The following SMG7 variants were observed in gnomAD, a reference collection of about 807,000 sequenced individuals.
SMG7 encodes the protein SMG7 nonsense mediated mRNA decay factor.
In SMG7, 34 loss-of-function variants were observed where a neutral mutation model predicts 148.2. The ratio of observed to expected loss-of-function variants is 0.23; its 90% confidence interval spans 0.17 to 0.31. SMG7 has a LOEUF of 0.31. Among genes scored for constraint, SMG7 ranks in the 10% least tolerant of loss-of-function variants. SMG7 has a pLI of 1.00. For missense variants in SMG7, 1,114 were observed against 1,408.4 expected (o/e 0.79, Z 3.35); for synonymous variants, 492 against 515.1 (o/e 0.96, Z 0.61).
chr1:183,553,466 A>G lies in SMG7; in HGVS notation c.*1535A>G. ...AGGGGTTGTGTGTGCGAGTGTATGG[A>G]GTTAGTGTGGAACTTAAGAGCTGGA... On this transcript the variant is annotated 3_prime_UTR_variant, in exon 23 of 23. Coordinates refer to ENST00000688051, the MANE Select transcript of SMG7 (RefSeq NM_001375584.1). 1 of 413,322 alleles carries G rather than the reference A, an allele frequency of 2.4e-6. No homozygotes were observed. The highest frequency in any genetic ancestry group is 2.5e-5 in the South Asian group (1 of 39,342). The allele number at this position is 413,322 out of a possible 1,614,324, so 25.6% of individuals were successfully genotyped here. A position where few individuals can be genotyped will look rare whatever the true frequency, so the allele number is the denominator to read the frequency against.
Position 183,546,280 on chromosome 1 carries a change from A to G in SMG7, c.2685A>G (p.Lys895=). The change falls in exon 17 of 23, where the codon AAA becomes AAG. Residue 895 remains lysine (K), a synonymous_variant. Coordinates refer to ENST00000688051, the MANE Select transcript of SMG7 (RefSeq NM_001375584.1). Reference sequence around the variant, plus strand: ...AAGCAAACATAGACCGCAGGGGCAAACGGTCACCAGGAGTCTTCCGTCCAG... The same window carrying G: ...AAGCAAACATAGACCGCAGGGGCAAGCGGTCACCAGGAGTCTTCCGTCCAG... ...AQQANIDRRG[K]RSPGVFRPEQ... The G allele has an allele frequency of 1.9e-6, 3 of 1,614,032 alleles. No individual in the cohort carries two copies. Among genetic ancestry groups the G allele is most frequent in the Admixed American group, 1.7e-5 (1 of 60,000 alleles).
chr1:183,478,715 G>A (rs1214500496), intron 1 of SMG7, among the ~76,000 whole-genome samples: 2 of 152,076 alleles, frequency 1.3e-5, no homozygotes, highest in Non-Finnish European at 2.9e-5. Flanking sequence ...TTTTATACTT[G>A]AGAAAAATTG....
chr1:183,474,951 T>C (rs575487741), intron 1 of SMG7, among the ~76,000 whole-genome samples: 2 of 152,316 alleles, frequency 1.3e-5, no homozygotes, highest in African/African-American at 4.8e-5. Context: ...TTCAGTCCAG[T>C]TAGACAACAA....
In SMG7 at chr1:183,526,787, G is replaced by T. The variant is rs765334445; in HGVS notation, c.484+20G>T. 1.3e-6 allele frequency: 2 copies of T among 1,586,688 alleles called. No individual in the cohort carries two copies. The highest frequency in any genetic ancestry group is 3.6e-5 in the Admixed American group (2 of 55,078). ...ACATTGGTGAGCCTTTGCTGTGAAG[G>T]AATTGATAATATGTTCCTCCTTTTC... On this transcript the variant is annotated intron_variant, in intron 5 of 22. Coordinates refer to ENST00000688051, the MANE Select transcript of SMG7 (RefSeq NM_001375584.1).
At chr1:183,487,232 A>G (rs1321182732) in intron 1 of SMG7, among the ~76,000 whole-genome samples, 1 of 152,126 alleles carries the variant, frequency 6.6e-6, no homozygotes, top group East Asian at 1.9e-4. Context: ...TGCCTTTTCC[A>G]GCTTTTCAGA....
intron 2 of SMG7, chr1:183,513,177 T>C (rs1430902834): frequency 1.2e-5 from 3 of 257,752 alleles, no homozygotes; most frequent in African/African-American, 2.2e-5. Flanking sequence ...AAAAATAACA[T>C]ACCCCATATA....
At chr1:183,484,894 A>G (rs1218357395) in intron 1 of SMG7, among the ~76,000 whole-genome samples, 1 of 152,110 alleles carries the variant, frequency 6.6e-6, no homozygotes, top group African/African-American at 2.4e-5. Flanking sequence ...TTCCATTCGC[A>G]TGTAATCTGG....
chr1:183,550,861 A>T lies in SMG7; in HGVS notation c.3244A>T (p.Ile1082Phe), dbSNP rs771685001. 3.1e-6 allele frequency: 5 copies of T among 1,614,108 alleles called. No individual in the cohort carries two copies. Among genetic ancestry groups the T allele is most frequent in the Non-Finnish European group, 4.2e-6 (5 of 1,179,986 alleles). ...TGTTCCATTCTCCAATTTTGGACCC[A>T]TTGGGACTCCAGATAACAGGGATAG... ...NSVPFSNFGPIGTPDNRDRRT... is the reference protein window; with the variant it reads ...NSVPFSNFGPFGTPDNRDRRT... The change falls in exon 21 of 23, where the codon ATT becomes TTT. Residue 1082 changes from isoleucine (I) to phenylalanine (F), a missense_variant. Physicochemically the swap from Ile to Phe is conservative, Grantham distance 21. Coordinates refer to ENST00000688051, the MANE Select transcript of SMG7 (RefSeq NM_001375584.1).
At chr1:183,488,746 C>G (rs1490748878) in intron 1 of SMG7, among the ~76,000 whole-genome samples, 1 of 127,882 alleles carries the variant, frequency 7.8e-6, no homozygotes, top group African/African-American at 3.0e-5. Flanking sequence ...AGTGCAGTGG[C>G]AGTCTCAGCT....
chr1:183,477,306 T>C (rs1329548383), intron 1 of SMG7, among the ~76,000 whole-genome samples: 1 of 152,214 alleles, frequency 6.6e-6, no homozygotes, highest in Non-Finnish European at 1.5e-5. Flanking sequence ...AATTTCTTCC[T>C]ATGCTGTGAG....
chr1:183,517,624 A>G (rs1663845888), intron 3 of SMG7, 64 bp from the exon 4 acceptor site: 1 of 1,503,128 alleles, frequency 6.7e-7, no homozygotes, highest in Non-Finnish European at 9.3e-7. Context: ...TCTTGTTCTC[A>G]GGGGGACCAG....
intron 1 of SMG7, among the ~76,000 whole-genome samples, chr1:183,481,986 A>G (rs1454699309): frequency 6.6e-6 from 1 of 152,106 alleles, no homozygotes; most frequent in Non-Finnish European, 1.5e-5. Context: ...TGTGGGCTGA[A>G]TTTTAAAAGG....
chr1:183,502,157 C>T, intron 1 of SMG7: 1 of 796,978 alleles, frequency 1.3e-6, no homozygotes, highest in Non-Finnish European at 1.7e-6. Context: ...TTACCTTTCA[C>T]ATGAAGTCAT....
intron 1 of SMG7, chr1:183,501,091 A>G (rs1340507996): frequency 2.0e-5 from 3 of 152,188 alleles, no homozygotes; most frequent in South Asian, 2.1e-4. Context: ...TTAAGTTCCT[A>G]ATTTATAGAC....
intron 1 of SMG7, among the ~76,000 whole-genome samples, chr1:183,482,681 AT>A (rs1277325206): frequency 2.0e-5 from 3 of 152,154 alleles, no homozygotes; most frequent in Non-Finnish European, 4.4e-5. Flanking sequence ...ATTATTAGCT[AT>A]TGTTAGTCTC....
At chr1:183,489,791 C>G (rs1009198237) in intron 1 of SMG7, among the ~76,000 whole-genome samples, 6 of 152,218 alleles carry the variant, frequency 3.9e-5, no homozygotes, top group Non-Finnish European at 8.8e-5. Context: ...TTTTGTTACT[C>G]TACCTATTTA....
rs556853158 is a variant in SMG7, at chr1:183,549,271, G to A, written c.2956G>A (p.Gly986Arg). 103 of 1,612,038 alleles carry A rather than the reference G, an allele frequency of 6.4e-5. No individual in the cohort carries two copies. The highest frequency in any genetic ancestry group is 2.8e-4 in the Admixed American group (17 of 59,994). ...TTCATCCTCTTTCCTGTCCCTCACC[G>A]GATTCTCTCTCAATCAGGTAGGTGA... ...SHSSSFLSLT[G>R]FSLNQERYPN... Residue 986 changes from glycine (G) to arginine (R), a missense_variant, in exon 19 of 23, where the codon GGA (glycine) becomes AGA (arginine). Around this residue, in one of 4 missense-constraint regions of SMG7, gnomAD observed 788 missense variants for 894.5 expected, o/e 0.88. Coordinates refer to ENST00000688051, the MANE Select transcript of SMG7 (RefSeq NM_001375584.1).
At chr1:183,491,729 G>C (rs982473017) in intron 1 of SMG7, among the ~76,000 whole-genome samples, 1 of 152,026 alleles carries the variant, frequency 6.6e-6, no homozygotes, top group African/African-American at 2.4e-5. Context: ...TGATCTATTT[G>C]TGCTGCTATA....
At position 183,517,697 on chromosome 1, in the gene SMG7, C is replaced by T. The variant is rs367862221; in HGVS notation, c.189C>T (p.His63=). The T allele has an allele frequency of 1.6e-5, 26 of 1,613,900 alleles. No homozygotes were observed. The East Asian group carries it at 2.5e-4, about 15-fold the overall frequency. Reference sequence around the variant, plus strand: ...TACATTTTGTTTTCAGCTGGAATCACGCCTTTAAGAATCAGATCACAACAC... The same window carrying T: ...TACATTTTGTTTTCAGCTGGAATCATGCCTTTAAGAATCAGATCACAACAC... ...DKKVEQDLWN[H]AFKNQITTLQ... is the part of the protein sequence containing the mutation. The change falls in exon 4 of 23, where the codon CAC becomes CAT. Residue 63 remains histidine, a synonymous_variant. Coordinates refer to ENST00000688051, the MANE Select transcript of SMG7 (RefSeq NM_001375584.1).
Sources: allele counts gnomAD v4.1 joint callset (sites outside exome capture counted in the v4.1 genomes callset), GRCh38; gene constraint gnomAD v4.1.1; regional missense constraint gnomAD v4.1.1; transcripts MANE v1.5; gene names NCBI Gene and HGNC (gene_info 2026-07-23, HGNC 2026-07-21).